The following TTC23L variants were observed in gnomAD, a reference collection of about 807,000 sequenced individuals.
The protein encoded by TTC23L is tetratricopeptide repeat protein 23-like.
In TTC23L, 42 loss-of-function variants were observed where a neutral mutation model predicts 48.1. The ratio of observed to expected loss-of-function variants is 0.87; its 90% CI spans 0.68 to 1.13. The LOEUF (loss-of-function observed/expected upper bound fraction) is 1.13. Among genes scored for constraint, TTC23L ranks in the 50% most tolerant of loss-of-function variants. The pLI is 0.00. For synonymous variants in TTC23L, 159 were observed against 157.2 expected (o/e 1.01, Z -0.09); for missense variants, 391 against 421.0 (o/e 0.93, Z 0.62).
chr5:34,879,685 C>A (rs1231100388), intron 8 of TTC23L, among the ~76,000 whole-genome samples: 1 of 152,070 alleles, frequency 6.6e-6, no homozygotes, highest in Non-Finnish European at 1.5e-5. Context: ...AAAACCAAAA[C>A]ATCATCTGAT....
At chr5:34,903,477 A>G (rs1406890626), downstream of TTC23L, among the ~76,000 whole-genome samples, 1 of 152,044 alleles carries the variant, frequency 6.6e-6, no homozygotes. Flanking sequence ...ACACTGACAC[A>G]GCATTATTAC....
At chr5:34,868,229 A>C (rs1457236217) in intron 7 of TTC23L, 4 of 152,220 alleles carry the variant, frequency 2.6e-5, no homozygotes, top group African/African-American at 9.6e-5. Context: ...CTGTATTCAT[A>C]ACAACTCTGC....
chr5:34,858,975 G>T (rs954595304), intron 4 of TTC23L, among the ~76,000 whole-genome samples: 2 of 152,240 alleles, frequency 1.3e-5, no homozygotes, highest in Non-Finnish European at 1.5e-5. Flanking sequence ...GAGAGGAAAA[G>T]TATTCCTCCT....
chr5:34,915,789 G>A, the TTC23L span: 5 of 1,595,354 alleles, frequency 3.1e-6, no homozygotes, highest in East Asian at 6.8e-5. Context: ...TTCAGGCGAA[G>A]AAGCCAAAAA....
the TTC23L span, chr5:34,922,530 A>G: frequency 1.0e-5 from 16 of 1,589,426 alleles, no homozygotes; most frequent in African/African-American, 2.7e-5. Context: ...CTTACTCCAT[A>G]TCTTTCAGGC....
At chr5:34,910,568 T>C in the TTC23L span, among the ~76,000 whole-genome samples, 1 of 151,930 alleles carries the variant, frequency 6.6e-6, no homozygotes, top group African/African-American at 2.4e-5. Context: ...GCTGGGATTA[T>C]AGGCACGTGC....
the TTC23L span, among the ~76,000 whole-genome samples, chr5:34,912,111 G>A: frequency 1.2e-3 from 180 of 152,270 alleles, no homozygotes; most frequent in African/African-American, 4.2e-3. Context: ...CAATTTCAGG[G>A]TAGAGAATCT....
At position 34,880,097 on chromosome 5, in the gene TTC23L, G is replaced by A. The variant is rs1762121810; in HGVS notation, c.950-84G>A. The A allele has an allele frequency of 4.7e-6, 7 of 1,501,908 alleles. No homozygotes were observed. The South Asian group carries it at 7.9e-5, about 17-fold the overall frequency. 93.0% of individuals were successfully genotyped at this position (1,501,908 alleles called of 1,614,324 possible). The stretch of plus-strand genomic sequence containing the variant: ...GAGAACAAGCATGGACTTTAAGCAT[G>A]AAAATGTCAATTGAGCCAAAGCTGA... On this transcript the variant is annotated intron_variant, in intron 8 of 10. Coordinates refer to ENST00000505624, the Ensembl canonical transcript of TTC23L.
chr5:34,914,585 T>C, the TTC23L span: 1 of 954,436 alleles, frequency 1.0e-6, no homozygotes, highest in South Asian at 1.5e-5. Context: ...TTATGACTAT[T>C]GACAAGTTAT....
intron 4 of TTC23L, 135 bp downstream of exon 4, chr5:34,850,443 TC>T: frequency 9.8e-7 from 1 of 1,017,020 alleles, no homozygotes; most frequent in Non-Finnish European, 1.4e-6. Flanking sequence ...GGAAGGAAAG[TC>T]CATGGATGAG....
chr5:34,915,999 C>T, the TTC23L span: 10 of 1,337,786 alleles, frequency 7.5e-6, no homozygotes, highest in Non-Finnish European at 8.9e-6. Flanking sequence ...CAGAGTAGCC[C>T]GGGTGTTAAC....
intron 4 of TTC23L, among the ~76,000 whole-genome samples, chr5:34,854,920 C>A (rs2150372575): frequency 6.6e-6 from 1 of 152,136 alleles, no homozygotes; most frequent in East Asian, 1.9e-4. Context: ...AAATAATGGG[C>A]TTCGGGAAGG....
the TTC23L span, chr5:34,922,055 C>G: frequency 1.2e-5 from 5 of 411,626 alleles, no homozygotes; most frequent in Non-Finnish European, 2.2e-5. Flanking sequence ...CTAAGAGGAA[C>G]TTTAAAGGTT....
chr5:34,866,085 T>A (rs1761031317), intron 6 of TTC23L, among the ~76,000 whole-genome samples: 1 of 152,264 alleles, frequency 6.6e-6, no homozygotes. Context: ...TTTACCTTGC[T>A]GTCTCTGGAA....
chr5:34,855,440 C>T (rs1206500119), intron 4 of TTC23L, among the ~76,000 whole-genome samples: 1 of 152,164 alleles, frequency 6.6e-6, no homozygotes, highest in Non-Finnish European at 1.5e-5. Context: ...CCATCTCAGT[C>T]ATCTAGGTCT....
At chr5:34,896,252 C>G (rs982985840) in intron 9 of TTC23L, among the ~76,000 whole-genome samples, 11 of 152,298 alleles carry the variant, frequency 7.2e-5, no homozygotes, top group Middle Eastern at 3.4e-3. Flanking sequence ...CAGAAATGGT[C>G]TGATAGGAGA....
In TTC23L at chr5:34,858,584, ATTAC is replaced by A. The variant is rs1760316602; in HGVS notation, c.380-4311_380-4308del. On this transcript the variant is annotated intron_variant, in intron 4 of 10. Transcript: ENST00000505624. ...TAAAAGAAACTTAAGCAAACAATCA[ATTAC>A]TTTTTATACATGTATTTTAAATAGA... Among the ~76,000 whole-genome samples, 3 of 152,214 alleles carry A rather than the reference ATTAC, an allele frequency of 2.0e-5. No homozygotes were observed. The South Asian group carries it at 6.2e-4, about 32-fold the overall frequency.
the TTC23L span, chr5:34,923,316 G>C: frequency 3.4e-6 from 4 of 1,169,394 alleles, no homozygotes; most frequent in South Asian, 5.2e-5. Context: ...TCTCGCTCTT[G>C]TTGCCCAGGC....
the TTC23L span, chr5:34,911,812 C>T: frequency 6.2e-7 from 1 of 1,613,752 alleles, no homozygotes; most frequent in East Asian, 2.2e-5. Flanking sequence ...AGTTAAAGTC[C>T]CTGCAATGGA....
Sources: gnomAD v4.1 joint callset for allele counts (sites outside exome capture counted in the v4.1 genomes callset) on GRCh38, gnomAD v4.1.1 for gene constraint, MANE v1.5 for transcripts, NCBI Gene and HGNC (gene_info 2026-07-23, HGNC 2026-07-21) for gene names.